SERINC5: variants seen among roughly 807,000 people sequenced by gnomAD.
SERINC5 encodes the protein chromosome 5 open reading frame 12.
SERINC5 carries 41 observed loss-of-function variants against 63.1 expected under a neutral mutation model. The ratio of observed to expected loss-of-function variants is 0.65; its 90% CI spans 0.51 to 0.84. SERINC5 has a LOEUF of 0.84. Among genes scored for constraint, SERINC5 ranks in the 40% least tolerant of loss-of-function variants. The pLI, the probability that SERINC5 is intolerant of heterozygous loss-of-function variation, is 0.00. For missense variants in SERINC5, 523 were observed against 573.0 expected, an observed-to-expected ratio of 0.91 and a Z score of 0.89; for synonymous variants, 222 against 215.2, an observed-to-expected ratio of 1.03 and a Z score of -0.28.
intron 4 of SERINC5, among the ~76,000 whole-genome samples, chr5:80,176,216 A>G (rs935354523): frequency 7.2e-5 from 11 of 152,164 alleles, no homozygotes; most frequent in Non-Finnish European, 1.5e-4. Context: ...GCTGGACCAG[A>G]GGGTTTCTAG....
chr5:80,155,346 C>A (rs1401650464), intron 8 of SERINC5, among the ~76,000 whole-genome samples: 1 of 152,174 alleles, frequency 6.6e-6, no homozygotes, highest in African/African-American at 2.4e-5. Context: ...GGGCGGATCA[C>A]CTGAGGTTGG....
At chr5:80,234,111 C>T (rs1216548269) in intron 1 of SERINC5, among the ~76,000 whole-genome samples, 1 of 152,026 alleles carries the variant, frequency 6.6e-6, no homozygotes, top group Non-Finnish European at 1.5e-5. Context: ...TGCCCGACCC[C>T]AACTTTTACT....
intron 5 of SERINC5, among the ~76,000 whole-genome samples, chr5:80,174,667 G>C (rs1747905094): frequency 6.6e-6 from 1 of 152,172 alleles, no homozygotes; most frequent in South Asian, 2.1e-4. Flanking sequence ...ACTTTGGGAG[G>C]CCGAGGTGGG....
Position 80,146,194 on chromosome 5 carries a change from G to A in SERINC5, c.1134C>T (p.Val378=). The A allele has an allele frequency of 2.5e-6, 4 of 1,614,006 alleles. No individual in the cohort carries two copies. The highest frequency in any genetic ancestry group is 1.1e-5 in the South Asian group (1 of 91,070). The part of the protein sequence containing the change: ...EQQPGKEGPR[V]IYDEKKGTVY... ...CGGTGCCTTTCTTCTCGTCATAAAT[G>A]ACCCGTGGTCCCTCCTTCCCCGGCT... The change falls in exon 11 of 12, where the codon GTC becomes GTT. Residue 378 remains valine, a synonymous_variant. Transcript: ENST00000507668.
chr5:80,229,589 G>C (rs1412812303), intron 1 of SERINC5, among the ~76,000 whole-genome samples: 1 of 151,854 alleles, frequency 6.6e-6, no homozygotes, highest in East Asian at 1.9e-4. Flanking sequence ...GGCCAGTGAA[G>C]CAATACAAAA....
chr5:80,122,530 T>C (rs1580017257), intron 11 of SERINC5, among the ~76,000 whole-genome samples: 1 of 152,246 alleles, frequency 6.6e-6, no homozygotes, highest in South Asian at 2.1e-4. Flanking sequence ...TCCAATCAAG[T>C]TGACACTCAG....
Position 80,232,683 on chromosome 5 carries a change from T to C in SERINC5, c.27+23213A>G, listed in dbSNP as rs1420442652. Among the ~76,000 whole-genome samples the C allele has an allele frequency of 8.7e-5, 13 of 149,854 alleles. 1 individual carries two copies. The highest frequency in any genetic ancestry group is 1.6e-4 in the Non-Finnish European group (11 of 67,478). ...CCTATATTCCCAAATACTGAGGAGG[T>C]TGAGGCAGGAGAATCACTTGAACCC... On this transcript the variant is annotated intron_variant, in intron 1 of 11. Transcript: ENST00000507668.
chr5:80,119,307 GCAAA>G (rs1744451959), intron 11 of SERINC5, among the ~76,000 whole-genome samples: 1 of 152,174 alleles, frequency 6.6e-6, no homozygotes, highest in Non-Finnish European at 1.5e-5. Flanking sequence ...GCACAAGTCT[GCAAA>G]CAGTCTATCC....
chr5:80,170,709 C>T (rs528073734), intron 5 of SERINC5, among the ~76,000 whole-genome samples: 13 of 152,308 alleles, frequency 8.5e-5, no homozygotes, highest in Admixed American at 2.6e-4. Flanking sequence ...AGCCCCGAAG[C>T]GCCATAGTCT....
At chr5:80,223,515 TATC>T (rs1247665125) in intron 1 of SERINC5, among the ~76,000 whole-genome samples, 2 of 152,212 alleles carry the variant, frequency 1.3e-5, no homozygotes, top group Admixed American at 1.3e-4. Flanking sequence ...TGACTATATA[TATC>T]ATCATATTCT....
intron 1 of SERINC5, among the ~76,000 whole-genome samples, chr5:80,228,722 C>CCAT (rs1751285743): frequency 6.6e-6 from 1 of 151,930 alleles, no homozygotes; most frequent in African/African-American, 2.4e-5. Flanking sequence ...AACCACCATG[C>CCAT]CCAGCCAGGA....
At chr5:80,147,356 C>T in intron 9 of SERINC5, 72 bp from the exon 10 acceptor site, 2 of 1,491,684 alleles carry the variant, frequency 1.3e-6, no homozygotes, top group Non-Finnish European at 1.8e-6. Context: ...ACAACAGTAA[C>T]CCTTATTTGA....
intron 1 of SERINC5, among the ~76,000 whole-genome samples, chr5:80,216,371 G>A (rs1228195894): frequency 1.3e-5 from 2 of 152,180 alleles, no homozygotes; most frequent in African/African-American, 2.4e-5. Flanking sequence ...TGAGTTAGGG[G>A]TGAAAAGCAA....
chr5:80,178,047 A>T lies in SERINC5; in HGVS notation c.213T>A (p.Asp71Glu), dbSNP rs545240081. 2.5e-6 allele frequency: 4 copies of T among 1,596,584 alleles called. No homozygotes were observed. Among genetic ancestry groups the T allele is most frequent in the Admixed American group, 1.8e-5 (1 of 55,148 alleles). ...CACCAGCTTTAATGCCTTTACACAT[A>T]TCTTCAAAAAAAGGAATCTGAGGAG... ...KMKEHIPFFE[D>E]MCKGIKAGDT... The change falls in exon 3 of 12, where the codon GAT becomes GAA. Residue 71 changes from aspartate (D) to glutamate (E), a missense_variant. Asp to Glu is a conservative substitution (Grantham distance 45). Coordinates refer to ENST00000507668, the MANE Select transcript of SERINC5 (RefSeq NM_001174072.3).
intron 7 of SERINC5, among the ~76,000 whole-genome samples, chr5:80,165,802 C>CCA (rs1170009230): frequency 1.3e-5 from 2 of 152,170 alleles, no homozygotes; most frequent in Non-Finnish European, 1.5e-5. Context: ...AAAGCAAACT[C>CCA]CACAGCCAAA....
intron 11 of SERINC5, among the ~76,000 whole-genome samples, chr5:80,120,840 T>C (rs1002724108): frequency 2.0e-5 from 3 of 152,164 alleles, no homozygotes; most frequent in African/African-American, 7.2e-5. Context: ...CCTGCATTGC[T>C]ATAAAGAAAT....
chr5:80,133,753 T>C (rs1443580075), downstream of SERINC5, among the ~76,000 whole-genome samples: 4 of 152,374 alleles, frequency 2.6e-5, no homozygotes. Context: ...CACAGTCATC[T>C]GTACGGGAGA....
rs1298304009 is a variant in SERINC5 at position 80,139,438 on chromosome 5, A to C, written c.*4225T>G. ...TGTGAATATGATTAAACTCCTATAG[A>C]AGTGGATTGGGACATATGCATTCTT... On this transcript the variant is annotated 3_prime_UTR_variant, in exon 12 of 12. Transcript: ENST00000507668. 4 of 985,302 alleles carry C rather than the reference A, an allele frequency of 4.1e-6. No individual in the cohort carries two copies. Among genetic ancestry groups the C allele is most frequent in the East Asian group, 1.1e-4 (1 of 8,824 alleles). The allele number at this position is 985,302 out of a possible 1,614,324, so 61.0% of individuals were successfully genotyped here.
downstream of SERINC5, among the ~76,000 whole-genome samples, chr5:80,134,400 C>T (rs537524174): frequency 2.0e-5 from 3 of 152,264 alleles, no homozygotes; most frequent in South Asian, 6.2e-4. Flanking sequence ...GCAGGAGAAT[C>T]GTTTGAACCC....
Sources: allele counts gnomAD v4.1 joint callset (sites outside exome capture counted in the v4.1 genomes callset), GRCh38; gene constraint gnomAD v4.1.1; transcripts MANE v1.5; gene names NCBI Gene and HGNC (gene_info 2026-07-23, HGNC 2026-07-21).